The following MEIS2 variants were observed in gnomAD, a reference collection of about 807,000 sequenced individuals.
The protein encoded by MEIS2 is homeobox protein Meis2.
MEIS2 carries 9 observed loss-of-function variants against 58.6 expected under a neutral mutation model. That is an observed-to-expected ratio of 0.15 (90% CI 0.09 to 0.27). MEIS2 has a LOEUF of 0.27. MEIS2 is among the 10% of genes least tolerant of loss of function. The probability of loss-of-function intolerance (pLI) is 1.00; values close to 1 mark genes in which losing one functional copy is unlikely to be tolerated. For missense variants in MEIS2, 427 were observed against 635.0 expected (o/e 0.67, Z 3.52); for synonymous variants, 221 against 228.4 (o/e 0.97, Z 0.29).
chr15:36,908,204 G>C (rs1335740894), intron 9 of MEIS2, among the ~76,000 whole-genome samples: 1 of 152,114 alleles, frequency 6.6e-6, no homozygotes, highest in Non-Finnish European at 1.5e-5. Context: ...CAGCCGGGTG[G>C]CATTCTGTAT....
intron 9 of MEIS2, among the ~76,000 whole-genome samples, chr15:36,911,032 G>A (rs554971072): frequency 1.1e-4 from 15 of 140,042 alleles, no homozygotes; most frequent in African/African-American, 3.2e-4. Context: ...GTGACAGAGC[G>A]CGACTCTGTC....
At chr15:36,950,423 A>C in intron 8 of MEIS2, 23 bp from the exon 9 acceptor site, 1 of 1,604,042 alleles carries the variant, frequency 6.2e-7, no homozygotes, top group Non-Finnish European at 8.5e-7. Context: ...CAAATGTTTT[A>C]AAAGATGGAT....
intron 9 of MEIS2, among the ~76,000 whole-genome samples, chr15:36,918,613 G>C (rs1308787639): frequency 6.6e-6 from 1 of 152,190 alleles, no homozygotes; most frequent in African/African-American, 2.4e-5. Flanking sequence ...GCAATAAGAT[G>C]AAAGAGTCTC....
chr15:37,078,605 CAAAAAAAAAAAAAAA>C (rs540405090), intron 7 of MEIS2, among the ~76,000 whole-genome samples: 3 of 69,412 alleles, frequency 4.3e-5, no homozygotes, highest in African/African-American at 1.8e-4. Flanking sequence ...AAAAAACAAC[CAAAAAAAAAAAAAAA>C]AAAAAAAAAA....
intron 8 of MEIS2, among the ~76,000 whole-genome samples, chr15:36,995,995 A>ATGTG (rs2060497411): frequency 3.9e-5 from 2 of 51,278 alleles, no homozygotes; most frequent in African/African-American, 9.0e-5. Flanking sequence ...ATATATATAT[A>ATGTG]TATATATGTA....
chr15:36,943,499 A>T (rs936340760), intron 9 of MEIS2, among the ~76,000 whole-genome samples: 5 of 152,160 alleles, frequency 3.3e-5, no homozygotes, highest in African/African-American at 1.2e-4. Context: ...TCTGCAAAAA[A>T]TGGTTACTTT....
chr15:37,100,675 G>C (rs1351286816), upstream of MEIS2: 1 of 152,468 alleles, frequency 6.6e-6, no homozygotes, highest in Non-Finnish European at 1.5e-5. Context: ...GGACGGCGGG[G>C]GGGAGGAAAA....
intron 7 of MEIS2, among the ~76,000 whole-genome samples, chr15:37,044,630 T>C (rs751960901): frequency 2.6e-5 from 4 of 152,226 alleles, no homozygotes; most frequent in Non-Finnish European, 5.9e-5. Context: ...TCTTCTTTAC[T>C]AGCAAACTCC....
chr15:37,036,575 GA>G, intron 8 of MEIS2: 2 of 405,404 alleles, frequency 4.9e-6, no homozygotes, highest in Non-Finnish European at 8.7e-6. Flanking sequence ...TAGGGTCTTA[GA>G]TCATTTTAAA....
At chr15:37,095,706 G>A (rs1894142344) in intron 3 of MEIS2, 92 bp from the exon 4 acceptor site, 1 of 1,586,830 alleles carries the variant, frequency 6.3e-7, no homozygotes, top group East Asian at 2.2e-5. Flanking sequence ...GGCAATGGCG[G>A]AGAAGAGGAA....
intron 9 of MEIS2, among the ~76,000 whole-genome samples, chr15:36,938,087 G>C (rs966292100): frequency 2.6e-5 from 4 of 152,024 alleles, no homozygotes; most frequent in African/African-American, 9.7e-5. Flanking sequence ...CCTTAGGAAG[G>C]TCCTCTATGC....
At position 36,895,784 on chromosome 15, in the gene MEIS2, C is replaced by T. The variant is rs1036696136; in HGVS notation, c.1037-523G>A. On this transcript the variant is annotated intron_variant, in intron 10 of 11. Transcript: ENST00000561208. ...CATTGTTTTATGTTCTTCTCCCTAG[C>T]CTCCAATAGTGGGAACATATTTTGG... 3.3e-5 allele frequency among the ~76,000 whole-genome samples: 5 copies of T among 152,278 alleles called. No individual in the cohort carries two copies. The East Asian group carries it at 9.7e-4, about 29-fold the overall frequency.
intron 8 of MEIS2, among the ~76,000 whole-genome samples, chr15:36,984,801 C>T (rs1465532249): frequency 6.6e-6 from 1 of 152,144 alleles, no homozygotes; most frequent in African/African-American, 2.4e-5. Context: ...TCTACCTCTT[C>T]ATGGTTCACT....
intron 7 of MEIS2, among the ~76,000 whole-genome samples, chr15:37,073,921 G>A (rs923457956): frequency 6.6e-6 from 1 of 151,870 alleles, no homozygotes; most frequent in Non-Finnish European, 1.5e-5. Context: ...ACTAAGATAA[G>A]GTACTTATCT....
Position 36,919,832 on chromosome 15 carries a change from A to G in MEIS2, c.978-23146T>C, listed in dbSNP as rs117771258. 3.0e-3 allele frequency among the ~76,000 whole-genome samples: 452 copies of G among 152,314 alleles called. 11 individuals carry two copies. The East Asian group carries it at 0.069, about 23-fold the overall frequency. ...AGTGAGATAGCCTGAATTTTAAGCT[A>G]TCTTGCTAGATTTTGTCTTTCAGAG... On this transcript the variant is annotated intron_variant, in intron 9 of 11. Transcript: ENST00000561208.
chr15:36,999,693 C>T (rs1376574440), intron 8 of MEIS2, among the ~76,000 whole-genome samples: 1 of 152,204 alleles, frequency 6.6e-6, no homozygotes, highest in Non-Finnish European at 1.5e-5. Context: ...CAAACACCTA[C>T]AGAATTTGCT....
intron 8 of MEIS2, among the ~76,000 whole-genome samples, chr15:36,962,621 G>A (rs1017975832): frequency 1.3e-5 from 2 of 151,624 alleles, no homozygotes; most frequent in Non-Finnish European, 2.9e-5. Flanking sequence ...CCCCAGATGT[G>A]GAACCCGCAG....
intron 8 of MEIS2, among the ~76,000 whole-genome samples, chr15:36,977,073 C>T (rs1402210535): frequency 6.6e-6 from 1 of 152,078 alleles, no homozygotes; most frequent in African/African-American, 2.4e-5. Context: ...TTGCAGTGAG[C>T]CACGATTGTG....
At chr15:36,943,938 C>T (rs540870101) in intron 9 of MEIS2, among the ~76,000 whole-genome samples, 20 of 152,038 alleles carry the variant, frequency 1.3e-4, no homozygotes, top group African/African-American at 4.8e-4. Context: ...CAAATTTGGT[C>T]TGAATCTAAA....
Sources: gnomAD v4.1 joint callset for allele counts (sites outside exome capture counted in the v4.1 genomes callset) on GRCh38, gnomAD v4.1.1 for gene constraint, MANE v1.5 for transcripts, NCBI Gene and HGNC (gene_info 2026-07-23, HGNC 2026-07-21) for gene names.